EYS: variants seen among roughly 807,000 people sequenced by gnomAD.
EYS encodes the protein EGF-like photoreceptor maintenance factor, also known as protein eyes shut homolog.
A neutral mutation model predicts 282.1 loss-of-function variants in EYS; 250 were observed. The observed-to-expected ratio is 0.89, with a 90% CI of 0.80 to 0.98. The LOEUF (loss-of-function observed/expected upper bound fraction) is 0.98, where lower values mean the gene tolerates loss of function less well. Ranked by LOEUF, EYS falls within the 50% of genes least tolerant of loss-of-function variation. The probability of loss-of-function intolerance (pLI) is 0.00; values close to 1 mark genes in which losing one functional copy is unlikely to be tolerated. For missense variants in EYS, 4,016 were observed against 3,709.0 expected (o/e 1.08, Z -2.15); for synonymous variants, 1,355 against 1,282.9 (o/e 1.06, Z -1.20).
At chr6:63,781,867 T>A (rs966419092) in intron 39 of EYS, among the ~76,000 whole-genome samples, 1 of 152,198 alleles carries the variant, frequency 6.6e-6, no homozygotes, top group Non-Finnish European at 1.5e-5. Context: ...GCCCATTCAG[T>A]ATGATATTGG....
At chr6:64,863,018 G>A (rs1018202790) in intron 19 of EYS, among the ~76,000 whole-genome samples, 1 of 152,132 alleles carries the variant, frequency 6.6e-6, no homozygotes, top group African/African-American at 2.4e-5. Flanking sequence ...TTGGCCAATA[G>A]TTTTTAAAGT....
At chr6:64,685,848 C>G (rs1770078471) in intron 22 of EYS, among the ~76,000 whole-genome samples, 1 of 152,136 alleles carries the variant, frequency 6.6e-6, no homozygotes, top group Non-Finnish European at 1.5e-5. Context: ...AATACCCTAT[C>G]TTTTCAACTA....
intron 12 of EYS, among the ~76,000 whole-genome samples, chr6:65,094,517 A>T (rs1464856855): frequency 6.6e-6 from 1 of 151,346 alleles, no homozygotes; most frequent in African/African-American, 2.4e-5. Flanking sequence ...TTGAAGTCTT[A>T]CCAAGTATTA....
chr6:63,770,206 A>AT (rs1769895829), intron 40 of EYS, among the ~76,000 whole-genome samples: 1 of 152,134 alleles, frequency 6.6e-6, no homozygotes, highest in African/African-American at 2.4e-5. Context: ...AGTAAATACT[A>AT]TTATTAGCTC....
At chr6:64,002,323 C>A (rs140973219) in intron 33 of EYS, among the ~76,000 whole-genome samples, 160 of 152,304 alleles carry the variant, frequency 1.1e-3, no homozygotes, top group Admixed American at 2.0e-3. Flanking sequence ...TTCCTTTGAG[C>A]CTGTGTATGA....
At chr6:65,024,755 C>G (rs978043814) in intron 13 of EYS, among the ~76,000 whole-genome samples, 1 of 152,056 alleles carries the variant, frequency 6.6e-6, no homozygotes, top group Admixed American at 6.6e-5. Context: ...TTAAAAAAAT[C>G]CCAAATATTA....
chr6:63,814,769 G>T (rs1253476513), intron 36 of EYS, among the ~76,000 whole-genome samples: 2 of 152,116 alleles, frequency 1.3e-5, no homozygotes, highest in African/African-American at 2.4e-5. Flanking sequence ...AAACATATAG[G>T]TTCAAATCAT....
At chr6:64,799,777 A>T (rs1427231877) in intron 22 of EYS, among the ~76,000 whole-genome samples, 2 of 151,716 alleles carry the variant, frequency 1.3e-5, no homozygotes, top group African/African-American at 4.8e-5. Flanking sequence ...TAGTTTTAAA[A>T]TTTTTCACAT....
chr6:65,218,119 A>T (rs1766363197), intron 12 of EYS, among the ~76,000 whole-genome samples: 1 of 152,096 alleles, frequency 6.6e-6, no homozygotes, highest in Non-Finnish European at 1.5e-5. Context: ...AGAGAAAGGA[A>T]TTAAACAAGT....
chr6:64,503,618 T>A (rs763861319), intron 26 of EYS, among the ~76,000 whole-genome samples: 3 of 152,164 alleles, frequency 2.0e-5, no homozygotes, highest in African/African-American at 7.2e-5. Flanking sequence ...AACTGATAGT[T>A]TGGCTACCCA....
chr6:64,755,592 G>A (rs1266075674), intron 22 of EYS, among the ~76,000 whole-genome samples: 1 of 150,998 alleles, frequency 6.6e-6, no homozygotes, highest in Non-Finnish European at 1.5e-5. Context: ...GTCTTTTGCA[G>A]CAGCATGGAT....
chr6:64,922,128 T>A (rs1400505252), intron 15 of EYS, among the ~76,000 whole-genome samples: 1 of 152,208 alleles, frequency 6.6e-6, no homozygotes, highest in Non-Finnish European at 1.5e-5. Context: ...GCTACTGTTA[T>A]TCACTGGGGT....
At chr6:64,450,888 G>T (rs996744501) in intron 26 of EYS, among the ~76,000 whole-genome samples, 7 of 152,184 alleles carry the variant, frequency 4.6e-5, no homozygotes, top group African/African-American at 1.4e-4. Flanking sequence ...AGCACTAAAC[G>T]CCCACAAGAG....
At chr6:65,472,432 T>C (rs1765248946) in intron 5 of EYS, among the ~76,000 whole-genome samples, 1 of 152,080 alleles carries the variant, frequency 6.6e-6, no homozygotes, top group African/African-American at 2.4e-5. Flanking sequence ...CATATTCTTA[T>C]GGAAAAGTTT....
At chr6:63,745,726 T>G (rs1362841314) in intron 41 of EYS, among the ~76,000 whole-genome samples, 1 of 152,224 alleles carries the variant, frequency 6.6e-6, no homozygotes, top group Non-Finnish European at 1.5e-5. Context: ...CAAAATAGTT[T>G]AAAAATGTAT....
intron 22 of EYS, among the ~76,000 whole-genome samples, chr6:64,811,057 C>A (rs1261275467): frequency 6.6e-6 from 1 of 151,672 alleles, no homozygotes; most frequent in Non-Finnish European, 1.5e-5. Context: ...ATGGATTAAC[C>A]CTTAACCCAT....
At chr6:64,990,032 A>T (rs1046918377) in intron 14 of EYS, among the ~76,000 whole-genome samples, 2 of 151,444 alleles carry the variant, frequency 1.3e-5, no homozygotes, top group Non-Finnish European at 3.0e-5. Context: ...TTGTTTACAC[A>T]TGTATCTATC....
intron 31 of EYS, among the ~76,000 whole-genome samples, chr6:64,226,004 T>C (rs761187626): frequency 2.0e-5 from 3 of 152,156 alleles, no homozygotes; most frequent in African/African-American, 7.2e-5. Context: ...ATATTAACAT[T>C]TGAAAAGGCA....
At chr6:64,856,958 T>C (rs889633404) in intron 19 of EYS, among the ~76,000 whole-genome samples, 1 of 152,210 alleles carries the variant, frequency 6.6e-6, no homozygotes, top group Admixed American at 6.5e-5. Context: ...AGTTAATCTT[T>C]AGAAAATATG....
Sources: allele counts gnomAD v4.1 joint callset (sites outside exome capture counted in the v4.1 genomes callset), GRCh38; gene constraint gnomAD v4.1.1; transcripts MANE v1.5; gene names NCBI Gene and HGNC (gene_info 2026-07-23, HGNC 2026-07-21).